The following OXR1 variants were observed in gnomAD, a reference collection of about 807,000 sequenced individuals.
OXR1 encodes the protein oxidation resistance protein 1.
Under a neutral mutation model 104.6 loss-of-function variants are expected in OXR1, and 41 were observed. The ratio of observed to expected loss-of-function variants is 0.39; its 90% CI spans 0.31 to 0.51. The LOEUF (loss-of-function observed/expected upper bound fraction) is 0.51. OXR1 is among the 20% of genes least tolerant of loss of function. OXR1 has a pLI of 0.77. For synonymous variants in OXR1, 348 were observed against 348.4 expected (o/e 1.00, Z 0.01); for missense variants, 955 against 1,031.9 (o/e 0.93, Z 1.02).
intron 3 of OXR1, among the ~76,000 whole-genome samples, chr8:106,553,244 C>T (rs948528369): frequency 4.7e-5 from 7 of 149,082 alleles, no homozygotes; most frequent in Middle Eastern, 3.5e-3. Flanking sequence ...TATATTCATA[C>T]TGTGGAAAAA....
chr8:106,435,691 A>G lies in OXR1; in HGVS notation c.23+76055A>G, dbSNP rs968721892. Reference sequence around the variant, plus strand: ...TTTGACGTGAAATAAGAGTGATACTATTTCACTATAGTTTTCCTTTACTAT... The same window carrying G: ...TTTGACGTGAAATAAGAGTGATACTGTTTCACTATAGTTTTCCTTTACTAT... On this transcript the variant is annotated intron_variant, in intron 2 of 16. Transcript: ENST00000517566. Among the ~76,000 whole-genome samples the G allele has an allele frequency of 2.0e-5, 3 of 152,214 alleles. No individual in the cohort carries two copies. The Middle Eastern group carries it at 0.01, about 518-fold the overall frequency.
chr8:106,429,574 T>C (rs1819274241), intron 2 of OXR1, among the ~76,000 whole-genome samples: 1 of 150,488 alleles, frequency 6.6e-6, no homozygotes, highest in Non-Finnish European at 1.5e-5. Flanking sequence ...GGCAGGAGAA[T>C]CACTTGAACC....
chr8:106,713,832 C>T lies in OXR1; in HGVS notation c.1803C>T (p.His601=), dbSNP rs1375846529. The part of the protein sequence containing the change: ...WFAVPQERTD[H]LYAFFIQWSP... Reference sequence around the variant, plus strand: ...TCACTTCTCCTAACAGGACAGATCACTTGTATGCCTTCTTCATTCAGTGGA... The same window carrying T: ...TCACTTCTCCTAACAGGACAGATCATTTGTATGCCTTCTTCATTCAGTGGA... Residue 601 remains histidine (H), a synonymous_variant, in exon 11 of 17, where the codon CAC becomes CAT. Coordinates refer to ENST00000517566, the MANE Select transcript of OXR1 (RefSeq NM_001198533.2). 1.3e-6 allele frequency: 2 copies of T among 1,562,918 alleles called. No homozygotes were observed. Among genetic ancestry groups the T allele is most frequent in the East Asian group, 4.7e-5 (2 of 42,348 alleles).
intron 3 of OXR1, among the ~76,000 whole-genome samples, chr8:106,627,657 A>C (rs1412982367): frequency 6.6e-6 from 1 of 152,150 alleles, no homozygotes; most frequent in Non-Finnish European, 1.5e-5. Flanking sequence ...GCCAAGAAGC[A>C]ATTATACTGA....
At chr8:106,274,167 TTTCCATTTG>T (rs1184535211) in intron 1 of OXR1, among the ~76,000 whole-genome samples, 1 of 152,192 alleles carries the variant, frequency 6.6e-6, no homozygotes, top group African/African-American at 2.4e-5. Flanking sequence ...TTGTATTTAA[TTTCCATTTG>T]AAATCGACAG....
chr8:106,681,635 C>G (rs1309318328), intron 4 of OXR1, among the ~76,000 whole-genome samples: 1 of 152,090 alleles, frequency 6.6e-6, no homozygotes, highest in East Asian at 1.9e-4. Flanking sequence ...AGTGATCCTC[C>G]CACCTCAGCT....
At chr8:106,401,659 G>T (rs1021175289) in intron 2 of OXR1, among the ~76,000 whole-genome samples, 8 of 152,174 alleles carry the variant, frequency 5.3e-5, no homozygotes, top group Non-Finnish European at 1.0e-4. Context: ...TGTAGGAGGG[G>T]CCAGATGCAA....
intron 1 of OXR1, among the ~76,000 whole-genome samples, chr8:106,338,524 C>T (rs1468530284): frequency 6.7e-6 from 1 of 150,030 alleles, no homozygotes; most frequent in Non-Finnish European, 1.5e-5. Context: ...GATCACACCA[C>T]TGCACTCTAC....
chr8:106,559,394 C>A (rs1245175470), intron 3 of OXR1, among the ~76,000 whole-genome samples: 1 of 152,156 alleles, frequency 6.6e-6, no homozygotes, highest in African/African-American at 2.4e-5. Context: ...ATCATCCTTA[C>A]AACTATTTTC....
intron 1 of OXR1, among the ~76,000 whole-genome samples, chr8:106,285,500 T>G (rs1812457821): frequency 6.6e-6 from 1 of 152,144 alleles, no homozygotes; most frequent in Non-Finnish European, 1.5e-5. Flanking sequence ...CGTTTAATGC[T>G]GCCACCCTAG....
chr8:106,433,298 T>C (rs1819438287), intron 2 of OXR1, among the ~76,000 whole-genome samples: 1 of 152,110 alleles, frequency 6.6e-6, no homozygotes, highest in Admixed American at 6.6e-5. Context: ...ATCTGAGTGG[T>C]GTCAGCTGAT....
intron 3 of OXR1, among the ~76,000 whole-genome samples, chr8:106,605,521 A>G (rs1198344408): frequency 1.3e-5 from 2 of 151,878 alleles, no homozygotes; most frequent in South Asian, 2.1e-4. Flanking sequence ...TGGGCCTAGC[A>G]TGGTGGCTCA....
At chr8:106,557,215 A>G (rs1202751703) in intron 3 of OXR1, among the ~76,000 whole-genome samples, 2 of 152,220 alleles carry the variant, frequency 1.3e-5, no homozygotes, top group African/African-American at 2.4e-5. Flanking sequence ...AAAGCTGATC[A>G]ACAGGATTTA....
chr8:106,624,031 A>G (rs1821945036), intron 3 of OXR1, among the ~76,000 whole-genome samples: 1 of 152,210 alleles, frequency 6.6e-6, no homozygotes, highest in South Asian at 2.1e-4. Flanking sequence ...ATCCTGTGTT[A>G]TCCTGTGTCT....
intron 3 of OXR1, among the ~76,000 whole-genome samples, chr8:106,676,087 A>C (rs1339949335): frequency 6.6e-6 from 1 of 152,044 alleles, no homozygotes; most frequent in Admixed American, 6.6e-5. Flanking sequence ...GTCTTAGTTT[A>C]AAACTAGATT....
rs564838320 is a variant in OXR1 at position 106,684,273 on chromosome 8, G to A, written c.439G>A (p.Val147Ile). 14 of 1,600,006 alleles carry A rather than the reference G, an allele frequency of 8.7e-6. No homozygotes were observed. The Middle Eastern group carries it at 5.0e-4, about 57-fold the overall frequency. Reference sequence around the variant, plus strand: ...TCTGTATGTTCCTGATCCTGAATATGTCTCCAGTGTTGAGAGCTCTCCATC... The same window carrying A: ...TCTGTATGTTCCTGATCCTGAATATATCTCCAGTGTTGAGAGCTCTCCATC... ...QVLYVPDPEY[V>I]SSVESSPSLS... The change falls in exon 6 of 17, where the codon GTC becomes ATC. Residue 147 changes from valine (V) to isoleucine (I), a missense_variant. Coordinates refer to ENST00000517566, the MANE Select transcript of OXR1 (RefSeq NM_001198533.2).
intron 1 of OXR1, among the ~76,000 whole-genome samples, chr8:106,314,481 C>T (rs1216680774): frequency 1.3e-5 from 2 of 152,150 alleles, no homozygotes; most frequent in African/African-American, 4.8e-5. Context: ...CACAGTTTGC[C>T]TAAGCTGAAG....
chr8:106,362,495 GTA>G (rs1816289064), intron 2 of OXR1, among the ~76,000 whole-genome samples: 1 of 152,188 alleles, frequency 6.6e-6, no homozygotes. Context: ...ATAGTTATGT[GTA>G]TGATACTTGA....
intron 2 of OXR1, among the ~76,000 whole-genome samples, chr8:106,425,083 G>GTTTTT (rs748444311): frequency 2.5e-4 from 21 of 83,642 alleles, no homozygotes; most frequent in Non-Finnish European, 3.4e-4. Context: ...GTTTGGTTTG[G>GTTTTT]TTTTTTTTTT....
Sources: gnomAD v4.1 joint callset for allele counts (sites outside exome capture counted in the v4.1 genomes callset) on GRCh38, gnomAD v4.1.1 for gene constraint, MANE v1.5 for transcripts, NCBI Gene and HGNC (gene_info 2026-07-23, HGNC 2026-07-21) for gene names.